NOMO3: variants seen among roughly 807,000 people sequenced by gnomAD.
NOMO3 encodes BOS complex subunit NOMO3.
Under a neutral mutation model 69.9 loss-of-function variants are expected in NOMO3, and 15 were observed. That is an observed-to-expected ratio of 0.21 (90% CI 0.14 to 0.33). The LOEUF is 0.33. NOMO3 is among the 10% of genes least tolerant of loss of function. The probability of loss-of-function intolerance (pLI) is 1.00; values close to 1 mark genes in which losing one functional copy is unlikely to be tolerated. For missense variants in NOMO3, 218 were observed against 761.0 expected, an observed-to-expected ratio of 0.29 and a Z score of 8.39; for synonymous variants, 89 against 301.9, an observed-to-expected ratio of 0.29 and a Z score of 7.31.
intron 11 of NOMO3, among the ~76,000 whole-genome samples, chr16:16,258,116 G>T (rs1203010108): frequency 7.0e-6 from 1 of 142,244 alleles, no homozygotes; most frequent in Non-Finnish European, 1.5e-5. Flanking sequence ...AGGAGTTTGA[G>T]ACCAGCCTGG....
chr16:16,255,685 C>G, intron 9 of NOMO3, 35 bp from the exon 10 acceptor site: 1 of 1,592,374 alleles, frequency 6.3e-7, no homozygotes, highest in Non-Finnish European at 8.5e-7. Flanking sequence ...GGCACAGGAG[C>G]ACCTTCGAGC....
intron 16 of NOMO3, among the ~76,000 whole-genome samples, chr16:16,268,574 C>T (rs2049638154): frequency 7.0e-6 from 1 of 143,102 alleles, no homozygotes; most frequent in Non-Finnish European, 1.5e-5. Context: ...CCCTGTCTGC[C>T]ACTGTCTCTA....
intron 15 of NOMO3, among the ~76,000 whole-genome samples, chr16:16,265,637 GAT>G (rs1160088009): frequency 0.051 from 2,167 of 42,324 alleles, 15 homozygotes; most frequent in Admixed American, 0.06. Flanking sequence ...GAGTTTCTCT[GAT>G]ATATATATAT....
At chr16:16,266,366 C>A in intron 15 of NOMO3, among the ~76,000 whole-genome samples, 1 of 129,214 alleles carries the variant, frequency 7.7e-6, no homozygotes. Context: ...AGTGGATTTC[C>A]AGCTCTCTTG....
intron 1 of NOMO3, among the ~76,000 whole-genome samples, chr16:16,234,043 ATCT>A (rs2049305142): frequency 1.3e-5 from 2 of 151,670 alleles, no homozygotes; most frequent in East Asian, 1.9e-4. Flanking sequence ...CGGATCCGTG[ATCT>A]TCTTCAAGGC....
At chr16:16,245,598 C>T (rs1340019994) in intron 5 of NOMO3, among the ~76,000 whole-genome samples, 3 of 134,540 alleles carry the variant, frequency 2.2e-5, no homozygotes, top group Non-Finnish European at 4.6e-5. Flanking sequence ...TGGCATGCTT[C>T]TGTGGTTGCA....
At chr16:16,244,011 T>C (rs2049395605) in intron 4 of NOMO3, among the ~76,000 whole-genome samples, 1 of 143,770 alleles carries the variant, frequency 7.0e-6, no homozygotes, top group Admixed American at 6.8e-5. Flanking sequence ...TGAGATTTTT[T>C]TGGACCGCCA....
In NOMO3 at chr16:16,263,225, C is replaced by T. The variant is rs201707912; in HGVS notation, c.1537+10C>T. The T allele has an allele frequency of 1.6e-3, 2,626 of 1,594,168 alleles. 118 individuals carry two copies. Among genetic ancestry groups the T allele is most frequent in the Non-Finnish European group, 1.1e-3 (1,245 of 1,177,266 alleles). Reference sequence around the variant, plus strand: ...AAAGTCTCTTGTTTGGGTAAGATATCACTGGAAAGTAAGAACACATAGTTT... The same window carrying T: ...AAAGTCTCTTGTTTGGGTAAGATATTACTGGAAAGTAAGAACACATAGTTT... On this transcript the variant is annotated intron_variant, in intron 13 of 30. Coordinates refer to ENST00000399336, the MANE Select transcript of NOMO3 (RefSeq NM_001004067.4).
rs2049649492 is a variant in NOMO3, at chr16:16,270,017, T to G, written c.1895-104T>G. 2 of 1,576,506 alleles carry G rather than the reference T, an allele frequency of 1.3e-6. 1 individual carries two copies. Among genetic ancestry groups the G allele is most frequent in the Admixed American group, 3.5e-5 (2 of 57,844 alleles). On this transcript the variant is annotated intron_variant, in intron 16 of 30. Coordinates refer to ENST00000399336, the MANE Select transcript of NOMO3 (RefSeq NM_001004067.4). ...CATTATTGCAGATCTGCGATACATT[T>G]GAGTTTTCACATGCAAAGAGCTGCC...
chr16:16,245,534 T>TA lies in NOMO3; in HGVS notation c.509+366dup, dbSNP rs1219631637. Reference sequence around the variant, plus strand: ...GGAGACTCAGTCTCCACAAATAATTTAAAAAATTATATCAAGTAGAGTCCC... The same window carrying TA: ...GGAGACTCAGTCTCCACAAATAATTTAAAAAAATTATATCAAGTAGAGTCCC... On this transcript the variant is annotated intron_variant, in intron 5 of 30. Coordinates refer to ENST00000399336, the MANE Select transcript of NOMO3 (RefSeq NM_001004067.4). Among the ~76,000 whole-genome samples the TA allele has an allele frequency of 4.3e-5, 6 of 140,058 alleles. 1 individual carries two copies. Among genetic ancestry groups the TA allele is most frequent in the Admixed American group, 1.4e-4 (2 of 14,476 alleles). The allele number at this position is 140,058 out of a possible 152,430, so 91.9% of individuals were successfully genotyped here. A position where few individuals can be genotyped will look rare whatever the true frequency, so the allele number is the denominator to read the frequency against.
chr16:16,237,559 C>G (rs1426338339), intron 2 of NOMO3, among the ~76,000 whole-genome samples: 4 of 128,886 alleles, frequency 3.1e-5, no homozygotes, highest in Non-Finnish European at 6.4e-5. Context: ...TTTTTTTTTT[C>G]TTCTTTTGAG....
chr16:16,260,294 T>C (rs1238628604), intron 11 of NOMO3, among the ~76,000 whole-genome samples: 3 of 137,152 alleles, frequency 2.2e-5, no homozygotes, highest in African/African-American at 6.4e-5. Flanking sequence ...TTGCATTTCA[T>C]GTAATTTTTA....
intron 9 of NOMO3, among the ~76,000 whole-genome samples, chr16:16,255,132 T>C (rs1457538170): frequency 7.0e-6 from 1 of 143,392 alleles, no homozygotes; most frequent in Admixed American, 6.8e-5. Flanking sequence ...AGGCTGGTCT[T>C]GGACTGCTGA....
intron 3 of NOMO3, among the ~76,000 whole-genome samples, chr16:16,241,136 G>A (rs1448509635): frequency 6.9e-6 from 1 of 144,238 alleles, no homozygotes; most frequent in Non-Finnish European, 1.5e-5. Context: ...CACTTCACCA[G>A]CACCCCAGAA....
At chr16:16,260,251 G>A (rs1488034004) in intron 11 of NOMO3, among the ~76,000 whole-genome samples, 1 of 127,570 alleles carries the variant, frequency 7.8e-6, no homozygotes, top group Non-Finnish European at 1.5e-5. Flanking sequence ...AATGGGCAGA[G>A]CGCAACACAA....
intron 15 of NOMO3, among the ~76,000 whole-genome samples, chr16:16,265,954 C>T (rs1170629173): frequency 2.1e-5 from 3 of 145,364 alleles, no homozygotes; most frequent in African/African-American, 5.6e-5. Context: ...GTTGGCCTCG[C>T]AGAGTGCTAG....
rs775213793 is a variant in NOMO3 at position 16,265,204 on chromosome 16, T to C, written c.1806+25T>C. 13 of 1,588,356 alleles carry C rather than the reference T, an allele frequency of 8.2e-6. 3 individuals are homozygous for C. In the African/African-American group the frequency reaches 2.1e-4, roughly 26 times the overall value. On this transcript the variant is annotated intron_variant, in intron 15 of 30. Transcript: ENST00000399336. ...GGTATGTACGGCTTATGGAGTCTCT[T>C]ATTTGGAAAAGCGCTTGCCTTGTGG...
At chr16:16,234,907 G>A (rs7206383) in intron 1 of NOMO3, among the ~76,000 whole-genome samples, 149,809 of 151,986 alleles carry the variant, frequency 0.99, 73,867 homozygotes, top group Middle Eastern at 1. Flanking sequence ...TCTCTGGAAA[G>A]CCAGCCGATC....
At chr16:16,259,011 C>G (rs548913308) in intron 11 of NOMO3, among the ~76,000 whole-genome samples, 2,555 of 139,416 alleles carry the variant, frequency 0.018, 65 homozygotes, top group African/African-American at 0.024. Flanking sequence ...ATGAGGCAGT[C>G]ATGGTTGTCT....
Sources: gnomAD v4.1 joint callset for allele counts (sites outside exome capture counted in the v4.1 genomes callset) on GRCh38, gnomAD v4.1.1 for gene constraint, MANE v1.5 for transcripts, NCBI Gene and HGNC (gene_info 2026-07-23, HGNC 2026-07-21) for gene names.